Variants in MEPE observed in about 807,000 individuals in gnomAD.
The protein encoded by MEPE is matrix extracellular phosphoglycoprotein.
In MEPE, 7 loss-of-function variants were observed where a neutral mutation model predicts 7.3. That is an observed-to-expected ratio of 0.95 (90% CI 0.54 to 1.79). MEPE has a LOEUF of 1.79. Ranked by LOEUF, MEPE falls within the 40% of genes most tolerant of loss-of-function variation. The pLI is 0.00. For missense variants in MEPE, 623 were observed against 628.2 expected, an observed-to-expected ratio of 0.99 and a Z score of 0.09; for synonymous variants, 214 against 213.1, an observed-to-expected ratio of 1.00 and a Z score of -0.04.
chr4:87,842,360 C>T (rs1202961115), intron 3 of MEPE, among the ~76,000 whole-genome samples: 2 of 152,166 alleles, frequency 1.3e-5, no homozygotes, highest in Admixed American at 6.5e-5. Flanking sequence ...AGGGAGCTCT[C>T]GTGTATTCTG....
At chr4:87,840,240 C>T (rs1184751756) in intron 3 of MEPE, among the ~76,000 whole-genome samples, 1 of 152,192 alleles carries the variant, frequency 6.6e-6, no homozygotes, top group Non-Finnish European at 1.5e-5. Flanking sequence ...CTATGGATAA[C>T]TCCATCTGTG....
chr4:87,846,433 G>A lies in MEPE; in HGVS notation c.1565G>A (p.Ser522Asn), dbSNP rs748314336. 1.2e-6 allele frequency: 2 copies of A among 1,612,786 alleles called. No individual in the cohort carries two copies. Among genetic ancestry groups the A allele is most frequent in the Non-Finnish European group, 1.7e-6 (2 of 1,179,378 alleles). ...TCTGACAGTGGCAGTTCAAGTGAGA[G>A]CGATGGTGACTAGTCCACCAGGAGT... The part of the protein sequence containing the change: ...ESSDSGSSSE[S>N]DGD Residue 522 changes from serine to asparagine, a missense_variant, in exon 4 of 4, where the codon AGC (serine) becomes AAC (asparagine). Transcript: ENST00000361056.
chr4:87,846,607 T>A lies in MEPE; in HGVS notation c.*161T>A. 1 of 697,850 alleles carries A rather than the reference T, an allele frequency of 1.4e-6. No homozygotes were observed. Among genetic ancestry groups the A allele is most frequent in the Non-Finnish European group, 2.3e-6 (1 of 434,162 alleles). The allele number at this position is 697,850 out of a possible 1,614,324, so 43.2% of individuals were successfully genotyped here. On this transcript the variant is annotated 3_prime_UTR_variant, in exon 4 of 4. Transcript: ENST00000361056. ...CTCCTTGGGGGAATTTTTGCTATCTTAATAGTCACAGTATAAAATTCTATT... is the reference window on the plus strand; with the variant it reads ...CTCCTTGGGGGAATTTTTGCTATCTAAATAGTCACAGTATAAAATTCTATT...
chr4:87,845,996 T>G lies in MEPE; in HGVS notation c.1128T>G (p.Pro376=). 1.2e-6 allele frequency: 2 copies of G among 1,613,916 alleles called. No individual in the cohort carries two copies. The highest frequency in any genetic ancestry group is 8.5e-7 in the Non-Finnish European group (1 of 1,179,948). ...HQGKVEFHYP[P]APSKEKRKEG... is the part of the protein sequence containing the mutation. ...GGAAGGTTGAGTTTCATTACCCTCC[T>G]GCACCCTCAAAAGAGAAAAGAAAAG... Residue 376 remains proline, a synonymous_variant, in exon 4 of 4, where the codon CCT becomes CCG. Transcript: ENST00000361056.
chr4:87,845,948 T>C lies in MEPE; in HGVS notation c.1080T>C (p.Ala360=). 1 of 1,613,962 alleles carries C rather than the reference T, an allele frequency of 6.2e-7. No homozygotes were observed. The highest frequency in any genetic ancestry group is 8.5e-7 in the Non-Finnish European group (1 of 1,179,966). The part of the protein sequence containing the change: ...LPGREGNRVD[A]GSQNAHQGKV... Reference sequence around the variant, plus strand: ...GAAGAGAAGGAAACAGAGTGGATGCTGGCAGCCAAAATGCTCACCAAGGGA... The same window carrying C: ...GAAGAGAAGGAAACAGAGTGGATGCCGGCAGCCAAAATGCTCACCAAGGGA... Residue 360 remains alanine (A), a synonymous_variant, in exon 4 of 4, where the codon GCT becomes GCC. Coordinates refer to ENST00000361056, the MANE Select transcript of MEPE (RefSeq NM_020203.6).
At chr4:87,826,676 T>C (rs1319897866) in intron 1 of MEPE, among the ~76,000 whole-genome samples, 2 of 152,144 alleles carry the variant, frequency 1.3e-5, no homozygotes, top group Non-Finnish European at 2.9e-5. Context: ...TTTTTAATAA[T>C]AGTAATTGTG....
At chr4:87,828,922 T>G (rs1439273208), upstream of MEPE, among the ~76,000 whole-genome samples, 1 of 152,328 alleles carries the variant, frequency 6.6e-6, no homozygotes, top group East Asian at 1.9e-4. Context: ...TGTTTTGTTT[T>G]GTTTTCCAGT....
chr4:87,821,909 T>C (rs1380765881), intron 1 of MEPE, among the ~76,000 whole-genome samples: 2 of 152,106 alleles, frequency 1.3e-5, no homozygotes, highest in African/African-American at 4.8e-5. Flanking sequence ...CTGGGCACCA[T>C]AATCCCAGCG....
Position 87,846,366 on chromosome 4 carries a change from AG to A in MEPE, c.1500del (p.Arg501GlyfsTer37). 6.2e-7 allele frequency: 1 copy of A among 1,614,068 alleles called. No homozygotes were observed. The highest frequency in any genetic ancestry group is 8.5e-7 in the Non-Finnish European group (1 of 1,179,950). On this transcript the variant is annotated frameshift_variant, in exon 4 of 4. Transcript: ENST00000361056. LOFTEE classifies it low-confidence loss of function (END_TRUNC). ...GSWGRQPHSN[R>X]RFSSRRRDDS... Reference sequence around the variant, plus strand: ...CTGGGGTAGACAACCCCATTCCAACAGGAGGTTTAGTTCCCGTAGAAGGGAT... The same window carrying A: ...CTGGGGTAGACAACCCCATTCCAACAGAGGTTTAGTTCCCGTAGAAGGGAT...
Position 87,826,985 on chromosome 4 carries a change from C to A in MEPE, c.-13+5514C>A, listed in dbSNP as rs2109989270. The stretch of plus-strand genomic sequence containing the variant: ...TCGGATGATAGATTCTTTTGCTGTG[C>A]AGAAGCTCTTTAGTTTAATTAGATC... On this transcript the variant is annotated intron_variant, in intron 1 of 3. Transcript: ENST00000424957. 2.0e-5 allele frequency among the ~76,000 whole-genome samples: 3 copies of A among 152,282 alleles called. No individual in the cohort carries two copies. In the Middle Eastern group the frequency reaches 0.01, roughly 518 times the overall value.
upstream of MEPE, among the ~76,000 whole-genome samples, chr4:87,831,532 C>T (rs1032030839): frequency 6.6e-6 from 1 of 152,154 alleles, no homozygotes; most frequent in African/African-American, 2.4e-5. Context: ...TTCTGCCGCA[C>T]TCAGGTTCAA....
rs142337344 is a variant in MEPE, at chr4:87,845,079, G to T, written c.211G>T (p.Asp71Tyr). ...AAATATTGTCCAGGAAAGAAAGAAA[G>T]ATTTGTCCCTTTCTGAAGCCAGTGA... ...KENIVQERKK[D>Y]LSLSEASENK... The change falls in exon 4 of 4, where the codon GAT (aspartate) becomes TAT (tyrosine). Residue 71 changes from aspartate to tyrosine, a missense_variant. By Grantham distance (160) the Asp-to-Tyr change is radical. Transcript: ENST00000361056. 1 of 1,613,490 alleles carries T rather than the reference G, an allele frequency of 6.2e-7. No homozygotes were observed. Among genetic ancestry groups the T allele is most frequent in the Non-Finnish European group, 8.5e-7 (1 of 1,179,700 alleles).
chr4:87,824,480 A>G (rs1722415074), intron 1 of MEPE, among the ~76,000 whole-genome samples: 1 of 152,242 alleles, frequency 6.6e-6, no homozygotes, highest in Non-Finnish European at 1.5e-5. Context: ...TTCTGTCACA[A>G]TTACTCAACT....
chr4:87,836,413 ATG>A (rs34833616), intron 2 of MEPE, among the ~76,000 whole-genome samples: 61 of 149,672 alleles, frequency 4.1e-4, no homozygotes, highest in Non-Finnish European at 4.9e-4. Context: ...TCTAATCCAT[ATG>A]TGTGTGTGTG....
intron 1 of MEPE, among the ~76,000 whole-genome samples, chr4:87,823,483 G>T (rs968172698): frequency 2.6e-5 from 4 of 152,136 alleles, no homozygotes; most frequent in African/African-American, 9.7e-5. Flanking sequence ...ATCCTTCATA[G>T]TTGGCCATGT....
intron 3 of MEPE, among the ~76,000 whole-genome samples, chr4:87,839,408 G>A (rs73840165): frequency 0.026 from 3,986 of 152,134 alleles, 184 homozygotes; most frequent in African/African-American, 0.09. Context: ...TTCCATAGAC[G>A]TTTGGTAATA....
chr4:87,846,001 C>T lies in MEPE; in HGVS notation c.1133C>T (p.Pro378Leu). ...GKVEFHYPPA[P>L]SKEKRKEGSS... ...GTTGAGTTTCATTACCCTCCTGCAC[C>T]CTCAAAAGAGAAAAGAAAAGAAGGC... Residue 378 changes from proline to leucine, a missense_variant, in exon 4 of 4, where the codon CCC (proline) becomes CTC (leucine). Coordinates refer to ENST00000361056, the MANE Select transcript of MEPE (RefSeq NM_020203.6). The T allele has an allele frequency of 6.2e-7, 1 of 1,613,874 alleles. No homozygotes were observed.
chr4:87,845,125 C>A lies in MEPE; in HGVS notation c.257C>A (p.Ser86Tyr). 3 of 1,613,638 alleles carry A rather than the reference C, an allele frequency of 1.9e-6. No homozygotes were observed. Among genetic ancestry groups the A allele is most frequent in the Non-Finnish European group, 2.5e-6 (3 of 1,179,830 alleles). Residue 86 changes from serine (S) to tyrosine (Y), a missense_variant, in exon 4 of 4, where the codon TCT becomes TAT. Ser to Tyr is a moderately radical substitution (Grantham distance 144, BLOSUM62 -2). Transcript: ENST00000361056. ...AGTGAGAATAAGGGAAGTAGTAAAT[C>A]TCAAAATTATTTCACAAATAGACAG... ...EASENKGSSK[S>Y]QNYFTNRQRL...
chr4:87,838,782 T>C, intron 3 of MEPE, 97 bp downstream of exon 3: 1 of 1,080,588 alleles, frequency 9.3e-7, no homozygotes. Flanking sequence ...TCTTGGGCAC[T>C]TTGAATGGAA....
Sources: allele counts gnomAD v4.1 joint callset (sites outside exome capture counted in the v4.1 genomes callset), GRCh38; gene constraint gnomAD v4.1.1; transcripts MANE v1.5; gene names NCBI Gene and HGNC (gene_info 2026-07-23, HGNC 2026-07-21).